PPP4R3B: variants seen among roughly 807,000 people sequenced by gnomAD.
The protein encoded by PPP4R3B is serine/threonine-protein phosphatase 4 regulatory subunit 3B.
In PPP4R3B, 52 loss-of-function variants were observed where a neutral mutation model predicts 95.4. That is an observed-to-expected ratio of 0.54 (90% confidence interval 0.44 to 0.69). The LOEUF (loss-of-function observed/expected upper bound fraction) is 0.69, where lower values mean the gene tolerates loss of function less well. Among genes scored for constraint, PPP4R3B ranks in the 30% least tolerant of loss-of-function variants. The pLI, the probability that PPP4R3B is intolerant of heterozygous loss-of-function variation, is 0.00. For synonymous variants in PPP4R3B, 407 were observed against 343.9 expected, an observed-to-expected ratio of 1.18 and a Z score of -2.03; for missense variants, 1,003 against 1,005.9, an observed-to-expected ratio of 1.00 and a Z score of 0.04.
rs143136352 is a variant in PPP4R3B, at chr2:55,556,620, A to G, written c.2454+2155T>C. Among the ~76,000 whole-genome samples the G allele has an allele frequency of 3.6e-3, 542 of 148,822 alleles. 3 individuals are homozygous for G. Among genetic ancestry groups the G allele is most frequent in the African/African-American group, 0.012 (453 of 39,148 alleles). On this transcript the variant is annotated intron_variant, in intron 16 of 16. Transcript: ENST00000616407. The stretch of plus-strand genomic sequence containing the variant: ...TTGACTTTTGAAAGTACATGCATGT[A>G]TTACTTTGATTTAAAAAAAAAAAAA...
At chr2:55,591,884 T>C (rs1559017981) in intron 4 of PPP4R3B, among the ~76,000 whole-genome samples, 1 of 152,198 alleles carries the variant, frequency 6.6e-6, no homozygotes, top group South Asian at 2.1e-4. Context: ...TATCATATAG[T>C]TGAAATACTT....
intron 15 of PPP4R3B, among the ~76,000 whole-genome samples, chr2:55,564,003 T>C (rs1031386059): frequency 1.3e-5 from 2 of 152,206 alleles, no homozygotes. Flanking sequence ...GTCTCTGTTA[T>C]TACTGAGAAT....
intron 3 of PPP4R3B, among the ~76,000 whole-genome samples, chr2:55,601,052 T>G (rs369413062): frequency 2.4e-4 from 36 of 147,220 alleles, no homozygotes; most frequent in African/African-American, 8.6e-4. Context: ...GAGGCTGAAG[T>G]GAGAATCCCT....
At chr2:55,598,069 A>T (rs1692045493) in intron 4 of PPP4R3B, among the ~76,000 whole-genome samples, 1 of 152,050 alleles carries the variant, frequency 6.6e-6, no homozygotes, top group South Asian at 2.1e-4. Context: ...AATACAAAAA[A>T]ATCAGCTGGG....
Position 55,581,627 on chromosome 2 carries a change from A to C in PPP4R3B, c.1305T>G (p.Val435=). The C allele has an allele frequency of 6.2e-7, 1 of 1,613,862 alleles. No homozygotes were observed. Among genetic ancestry groups the C allele is most frequent in the Non-Finnish European group, 8.5e-7 (1 of 1,179,874 alleles). The change falls in exon 8 of 17, where the codon GTT becomes GTG. Residue 435 remains valine, a synonymous_variant. Coordinates refer to ENST00000616407, the MANE Select transcript of PPP4R3B (RefSeq NM_001122964.3). ...GAGTACGAAGAAGTCCCATTAACTG[A>C]ACAGCGCCTCCTAGCTCAGGATCAG... The part of the protein sequence containing the change: ...CDTDPELGGA[V]QLMGLLRTLI...
intron 9 of PPP4R3B, 104 bp downstream of exon 9, chr2:55,579,575 T>A (rs1424694085): frequency 1.5e-5 from 10 of 646,460 alleles, no homozygotes; most frequent in Non-Finnish European, 2.4e-5. Context: ...TCAGTCGTAA[T>A]CTCCCTGTCT....
intron 16 of PPP4R3B, among the ~76,000 whole-genome samples, chr2:55,555,378 A>C (rs1213879344): frequency 6.6e-6 from 1 of 151,852 alleles, no homozygotes; most frequent in Admixed American, 6.6e-5. Context: ...TTTTTTTATG[A>C]AAGGAAATCC....
rs1690558323 is a variant in PPP4R3B at position 55,588,881 on chromosome 2, A to G, written c.997T>C (p.Leu333=). Residue 333 remains leucine (L), a splice_region_variant and synonymous_variant, in exon 5 of 17, where the codon TTG becomes CTG. Coordinates refer to ENST00000616407, the MANE Select transcript of PPP4R3B (RefSeq NM_001122964.3). ...EATDDDKRRE[L]VNFFKEFCAF... ...AGAGTTTGAATTTCATAACTTACCA[A>G]TTCACGCCGTTTATCATCATCTGTA... The G allele has an allele frequency of 1.2e-6, 2 of 1,604,394 alleles. No individual in the cohort carries two copies. Among genetic ancestry groups the G allele is most frequent in the Non-Finnish European group, 1.7e-6 (2 of 1,173,616 alleles).
Position 55,547,814 on chromosome 2 carries a change from C to T in PPP4R3B, c.*2097G>A, listed in dbSNP as rs1176232353. On this transcript the variant is annotated 3_prime_UTR_variant, in exon 17 of 17. Coordinates refer to ENST00000616407, the MANE Select transcript of PPP4R3B (RefSeq NM_001122964.3). Reference sequence around the variant, plus strand: ...ACGGGCACCTGTAATCCCAGCTACTCAGGCTGAGGCAGAGAATTGCTTGAA... The same window carrying T: ...ACGGGCACCTGTAATCCCAGCTACTTAGGCTGAGGCAGAGAATTGCTTGAA... 1 of 152,156 alleles carries T rather than the reference C, an allele frequency of 6.6e-6. No homozygotes were observed. Among genetic ancestry groups the T allele is most frequent in the African/African-American group, 2.4e-5 (1 of 41,422 alleles). 9.4% of individuals were successfully genotyped at this position (152,156 alleles called of 1,614,324 possible). A position where few individuals can be genotyped will look rare whatever the true frequency, so the allele number is the denominator to read the frequency against.
chr2:55,585,172 T>A lies in PPP4R3B; in HGVS notation c.1117-5A>T. ...GACTTGCAAATCATCCATGCCCTGA[T>A]AAAAGGAAAATTAGGTTACTTAGAG... On this transcript the variant is annotated splice_polypyrimidine_tract_variant and splice_region_variant and intron_variant, in intron 6 of 16. Transcript: ENST00000616407. 6.3e-7 allele frequency: 1 copy of A among 1,585,028 alleles called. No individual in the cohort carries two copies. Among genetic ancestry groups the A allele is most frequent in the Non-Finnish European group, 8.6e-7 (1 of 1,168,300 alleles).
rs72803538 is a variant in PPP4R3B at position 55,560,910 on chromosome 2, G to A, written c.2261-1942C>T. 1.6e-3 allele frequency among the ~76,000 whole-genome samples: 244 copies of A among 151,552 alleles called. 2 individuals carry two copies. The Middle Eastern group carries it at 0.024, about 15-fold the overall frequency. On this transcript the variant is annotated intron_variant, in intron 15 of 16. Transcript: ENST00000616407. The stretch of plus-strand genomic sequence containing the variant: ...TATTTAAAAGGGAGCAGAGCATAAA[G>A]TTTGGAAAACTTGCAGCCTGACCAT...
chr2:55,604,134 A>G, intron 2 of PPP4R3B, 58 bp from the exon 3 acceptor site: 6 of 1,348,528 alleles, frequency 4.4e-6, no homozygotes, highest in East Asian at 2.4e-5. Context: ...TCTACAAAGT[A>G]CAAATAGAAA....
chr2:55,560,768 C>T (rs1375482401), intron 15 of PPP4R3B, among the ~76,000 whole-genome samples: 3 of 106,882 alleles, frequency 2.8e-5, no homozygotes, highest in Admixed American at 2.7e-4. Flanking sequence ...CAGAGAGAGA[C>T]TCCATCTCAG....
At position 55,560,778 on chromosome 2, in the gene PPP4R3B, G is replaced by GAA. The variant is rs545517387; in HGVS notation, c.2261-1812_2261-1811dup. On this transcript the variant is annotated intron_variant, in intron 15 of 16. Coordinates refer to ENST00000616407, the MANE Select transcript of PPP4R3B (RefSeq NM_001122964.3). ...GGCAACAGAGAGAGACTCCATCTCA[G>GAA]AAAAAAAAAAAAAAAAAAAAAAAAA... Among the ~76,000 whole-genome samples, 190 of 91,384 alleles carry GAA rather than the reference G, an allele frequency of 2.1e-3. 2 individuals are homozygous for GAA. The East Asian group carries it at 0.026, about 13-fold the overall frequency. The allele number at this position is 91,384 out of a possible 152,430, so 60.0% of individuals were successfully genotyped here. A position where few individuals can be genotyped will look rare whatever the true frequency, so the allele number is the denominator to read the frequency against.
chr2:55,586,042 G>T (rs867709193), intron 6 of PPP4R3B, among the ~76,000 whole-genome samples: 2 of 151,736 alleles, frequency 1.3e-5, no homozygotes, highest in South Asian at 4.2e-4. Context: ...GAAAAAAAAA[G>T]TAAAAAACGG....
At chr2:55,577,177 T>C in intron 11 of PPP4R3B, 138 bp downstream of exon 11, 1 of 1,092,776 alleles carries the variant, frequency 9.2e-7, no homozygotes, top group Non-Finnish European at 1.2e-6. Context: ...GATAGTGGAA[T>C]TACAAAAGTA....
chr2:55,557,066 AACGACGACG>A (rs3030736), intron 16 of PPP4R3B, among the ~76,000 whole-genome samples: 1 of 151,456 alleles, frequency 6.6e-6, no homozygotes, highest in Non-Finnish European at 1.5e-5. Context: ...CTGTAACAAC[AACGACGACG>A]ACGACGACGA....
intron 2 of PPP4R3B, 109 bp from the exon 3 acceptor site, chr2:55,604,185 G>A (rs1475339253): frequency 1.2e-5 from 8 of 664,490 alleles, no homozygotes; most frequent in Admixed American, 3.3e-5. Flanking sequence ...CAAATGCCCC[G>A]ATATGAGTAA....
Position 55,604,139 on chromosome 2 carries a change from T to A in PPP4R3B, c.199-63A>T, listed in dbSNP as rs895602701. The A allele has an allele frequency of 2.3e-6, 3 of 1,317,676 alleles. No individual in the cohort carries two copies. The African/African-American group carries it at 4.5e-5, about 20-fold the overall frequency. 81.6% of individuals were successfully genotyped at this position (1,317,676 alleles called of 1,614,324 possible). A position where few individuals can be genotyped will look rare whatever the true frequency, so the allele number is the denominator to read the frequency against. On this transcript the variant is annotated intron_variant, in intron 2 of 16. Transcript: ENST00000616407. ...AAAAGAGGTATCTACAAAGTACAAA[T>A]AGAAATCAAGAGGACTGGAAACAAC...
Sources: gnomAD v4.1 joint callset for allele counts (sites outside exome capture counted in the v4.1 genomes callset) on GRCh38, gnomAD v4.1.1 for gene constraint, MANE v1.5 for transcripts, NCBI Gene and HGNC (gene_info 2026-07-23, HGNC 2026-07-21) for gene names.